Variants in NCBP3 observed in about 807,000 individuals in gnomAD.
The protein encoded by NCBP3 is nuclear cap-binding protein subunit 3.
NCBP3 carries 20 observed loss-of-function variants against 75.7 expected under a neutral mutation model. The ratio of observed to expected loss-of-function variants is 0.26; its 90% CI spans 0.19 to 0.38. NCBP3 has a LOEUF of 0.38. NCBP3 is among the 10% of genes least tolerant of loss of function. The pLI, the probability that NCBP3 is intolerant of heterozygous loss-of-function variation, is 1.00. For missense variants in NCBP3, 678 were observed against 796.9 expected (o/e 0.85, Z 1.80); for synonymous variants, 293 against 290.5 (o/e 1.01, Z -0.09).
chr17:3,818,213 TA>T lies in NCBP3; in HGVS notation c.1310+49del. 7.8e-7 allele frequency: 1 copy of T among 1,283,740 alleles called. No homozygotes were observed. The allele number at this position is 1,283,740 out of a possible 1,614,324, so 79.5% of individuals were successfully genotyped here. A position where few individuals can be genotyped will look rare whatever the true frequency, so the allele number is the denominator to read the frequency against. On this transcript the variant is annotated intron_variant, in intron 10 of 12. Transcript: ENST00000389005. The surrounding 1 kb of genome is among the most constrained non-coding windows in gnomAD (Gnocchi z 4.7). The stretch of plus-strand genomic sequence containing the variant: ...ATTAGGAGGAATTAAGAAGTTATAC[TA>T]GTATTTAAAATCAAATTAAAAGCTA...
rs2053382316 is a variant in NCBP3 at position 3,809,818 on chromosome 17, A to G, written c.*3226T>C. 1 of 152,264 alleles carries G rather than the reference A, an allele frequency of 6.6e-6. No individual in the cohort carries two copies. The highest frequency in any genetic ancestry group is 1.5e-5 in the Non-Finnish European group (1 of 68,056). 9.4% of individuals were successfully genotyped at this position (152,264 alleles called of 1,614,324 possible). On this transcript the variant is annotated 3_prime_UTR_variant, in exon 13 of 13. Transcript: ENST00000389005. ...AAAAGGTGGCATACCCATAAAATGG[A>G]CTATTATTTGGCAATTTTAAAAAAT...
Position 3,825,897 on chromosome 17 carries a change from G to A in NCBP3, c.611-54C>T, listed in dbSNP as rs1002275602. 5 of 1,447,860 alleles carry A rather than the reference G, an allele frequency of 3.5e-6. No homozygotes were observed. The Admixed American group carries it at 8.1e-5, about 23-fold the overall frequency. The allele number at this position is 1,447,860 out of a possible 1,614,324, so 89.7% of individuals were successfully genotyped here. ...AACAAGATAAAATATTTCATATAAT[G>A]AGATACAAGATGAACTATCTCATAT... On this transcript the variant is annotated intron_variant, in intron 5 of 12. Coordinates refer to ENST00000389005, the MANE Select transcript of NCBP3 (RefSeq NM_001114118.3).
At chr17:3,819,961 T>C (rs1243235868) in intron 9 of NCBP3, among the ~76,000 whole-genome samples, 1 of 152,164 alleles carries the variant, frequency 6.6e-6, no homozygotes, top group African/African-American at 2.4e-5. Flanking sequence ...TGTATTATTA[T>C]TATTATTTTG....
In NCBP3 at chr17:3,812,339, AC is replaced by A. The variant is rs533046446; in HGVS notation, c.*704del. 9.6e-4 allele frequency: 195 copies of A among 202,702 alleles called. No individual in the cohort carries two copies. The highest frequency in any genetic ancestry group is 7.1e-3 in the South Asian group (41 of 5,748). 12.6% of individuals were successfully genotyped at this position (202,702 alleles called of 1,614,324 possible). A position where few individuals can be genotyped will look rare whatever the true frequency, so the allele number is the denominator to read the frequency against. On this transcript the variant is annotated 3_prime_UTR_variant, in exon 13 of 13. Coordinates refer to ENST00000389005, the MANE Select transcript of NCBP3 (RefSeq NM_001114118.3). ...TAATCCCACCCCAGCACAAAAATCA[AC>A]CCCAAATCCAGACGTCACAGTTTTT...
At chr17:3,845,282 G>A (rs554463528) in intron 1 of NCBP3, among the ~76,000 whole-genome samples, 4 of 152,274 alleles carry the variant, frequency 2.6e-5, no homozygotes, top group Non-Finnish European at 5.9e-5. Context: ...ATGTTGACAT[G>A]TGGTCAAAAG....
rs1164347324 is a variant in NCBP3, at chr17:3,818,317, C to G, written c.1256G>C (p.Ser419Thr). ...GTCAGCATACATAGTCATTTTCATG[C>G]TTTTCTTTGGTGAAGGCGTGGAAAT... The part of the protein sequence containing the change: ...KMISTPSPKK[S>T]MKMTMYADEV... Residue 419 changes from serine to threonine, a missense_variant, in exon 10 of 13, where the codon AGC becomes ACC. Ser to Thr is a moderately conservative substitution (Grantham distance 58). Coordinates refer to ENST00000389005, the MANE Select transcript of NCBP3 (RefSeq NM_001114118.3). This position sits in a 1 kb window ranked among gnomAD's most constrained non-coding sequence, Gnocchi z 4.7. 6.2e-7 allele frequency: 1 copy of G among 1,613,746 alleles called. No homozygotes were observed. Among genetic ancestry groups the G allele is most frequent in the Admixed American group, 1.7e-5 (1 of 59,926 alleles).
In NCBP3 at chr17:3,804,613, AG is replaced by A. The variant is rs1249541280; in HGVS notation, c.*8430del. On this transcript the variant is annotated 3_prime_UTR_variant, in exon 13 of 13. Coordinates refer to ENST00000389005, the MANE Select transcript of NCBP3 (RefSeq NM_001114118.3). ...TCAAAAGCACTGAGGCACAGCCTTC[AG>A]ACACAGGAAATGGTTCTATTCTCCC... 6.6e-6 allele frequency: 1 copy of A among 152,268 alleles called. No homozygotes were observed. The highest frequency in any genetic ancestry group is 2.4e-5 in the African/African-American group (1 of 41,454). 9.4% of individuals were successfully genotyped at this position (152,268 alleles called of 1,614,324 possible).
intron 3 of NCBP3, among the ~76,000 whole-genome samples, chr17:3,839,368 G>A (rs1323585691): frequency 6.6e-6 from 1 of 151,718 alleles, no homozygotes; most frequent in East Asian, 1.9e-4. Flanking sequence ...TTTTTTTTAA[G>A]ACAGAGTCTC....
chr17:3,816,394 A>C, intron 10 of NCBP3, 124 bp from the exon 11 acceptor site: 1 of 805,280 alleles, frequency 1.2e-6, no homozygotes, highest in South Asian at 1.8e-5. Flanking sequence ...GCCAACATTC[A>C]CTTACAAATC....
At chr17:3,845,885 C>G (rs1476959331) in intron 1 of NCBP3, among the ~76,000 whole-genome samples, 156 bp downstream of exon 1, 1 of 152,178 alleles carries the variant, frequency 6.6e-6, no homozygotes, top group Non-Finnish European at 1.5e-5. Flanking sequence ...CGTCCCTCCT[C>G]CAGCCCGGCG....
At chr17:3,834,647 T>C (rs1176661605) in intron 3 of NCBP3, among the ~76,000 whole-genome samples, 2 of 152,176 alleles carry the variant, frequency 1.3e-5, no homozygotes, top group Non-Finnish European at 1.5e-5. Context: ...TTGTGGCTCA[T>C]GCCTGTAATC....
chr17:3,843,695 T>C (rs537993568), intron 1 of NCBP3, among the ~76,000 whole-genome samples: 1 of 152,312 alleles, frequency 6.6e-6, no homozygotes, highest in Non-Finnish European at 1.5e-5. Flanking sequence ...TACAGGCATG[T>C]GCCACCACCG....
At chr17:3,823,047 C>A (rs2053698827) in intron 7 of NCBP3, 1 of 152,270 alleles carries the variant, frequency 6.6e-6, no homozygotes, top group South Asian at 2.1e-4. Flanking sequence ...GGCGCGATGG[C>A]TCACGCCTGT....
chr17:3,821,466 A>C, intron 8 of NCBP3, 114 bp from the exon 9 acceptor site: 1 of 789,122 alleles, frequency 1.3e-6, no homozygotes, highest in Non-Finnish European at 2.0e-6. Context: ...TCTCTCTCCC[A>C]GGCTGAAGTG....
intron 2 of NCBP3, among the ~76,000 whole-genome samples, chr17:3,842,068 G>A (rs2054074255): frequency 6.6e-6 from 1 of 151,976 alleles, no homozygotes; most frequent in South Asian, 2.1e-4. Context: ...GACTCTATGA[G>A]GTGTTACAAT....
In NCBP3 at chr17:3,821,153, T is replaced by A; in HGVS notation, c.1000+96A>T. On this transcript the variant is annotated intron_variant, in intron 9 of 12. Transcript: ENST00000389005. ...GAGGGTGAGGGCAAGGAAGAGAGGA[T>A]GATAAAGTTTGGAACCTTAAAAGAT... 4.8e-6 allele frequency: 4 copies of A among 832,050 alleles called. No individual in the cohort carries two copies. The South Asian group carries it at 5.8e-5, about 12-fold the overall frequency. The allele number at this position is 832,050 out of a possible 1,614,324, so 51.5% of individuals were successfully genotyped here.
intron 4 of NCBP3, among the ~76,000 whole-genome samples, chr17:3,827,355 A>T (rs1348413792): frequency 6.6e-6 from 1 of 152,206 alleles, no homozygotes; most frequent in Non-Finnish European, 1.5e-5. Flanking sequence ...CCTACAGGGA[A>T]GCCCTTTGCT....
chr17:3,845,989 G>A, intron 1 of NCBP3, 52 bp downstream of exon 1: 2 of 1,519,834 alleles, frequency 1.3e-6, no homozygotes, highest in South Asian at 1.2e-5. Flanking sequence ...CCCCTCCGGC[G>A]CTAGACACTA....
At chr17:3,814,570 C>T (rs2053493656) in intron 11 of NCBP3, 87 bp from the exon 12 acceptor site, 1 of 1,397,658 alleles carries the variant, frequency 7.2e-7, no homozygotes, top group Non-Finnish European at 9.9e-7. Flanking sequence ...GGATCTGGCG[C>T]TAACCCCTGC....
Sources: allele counts gnomAD v4.1 joint callset (sites outside exome capture counted in the v4.1 genomes callset), GRCh38; gene constraint gnomAD v4.1.1; non-coding constraint Gnocchi (gnomAD v3.1); transcripts MANE v1.5; gene names NCBI Gene and HGNC (gene_info 2026-07-23, HGNC 2026-07-21).